The following NFIA variants were observed in gnomAD, a reference collection of about 807,000 sequenced individuals.
NFIA encodes nuclear factor I A, also known as nuclear factor 1 A-type.
Under a neutral mutation model 62.8 loss-of-function variants are expected in NFIA, and 8 were observed. That is an observed-to-expected ratio of 0.13 (90% CI 0.07 to 0.23). NFIA has a LOEUF of 0.23. Among genes scored for constraint, NFIA ranks in the 10% least tolerant of loss-of-function variants. NFIA has a pLI of 1.00. For synonymous variants in NFIA, 235 were observed against 238.1 expected (o/e 0.99, Z 0.12); for missense variants, 410 against 642.1 (o/e 0.64, Z 3.91).
At chr1:61,384,969 C>G (rs1339114367) in intron 7 of NFIA, among the ~76,000 whole-genome samples, 2 of 152,082 alleles carry the variant, frequency 1.3e-5, no homozygotes, top group African/African-American at 4.8e-5. Flanking sequence ...CAGTGGCTCA[C>G]GCCTGTAATC....
chr1:61,219,883 G>A (rs333137), intron 2 of NFIA, among the ~76,000 whole-genome samples: 24,584 of 151,776 alleles, frequency 0.16, 2,060 homozygotes, highest in African/African-American at 0.2. Flanking sequence ...GAATCACTTG[G>A]ACCCGGGAGG....
chr1:61,279,858 C>T (rs1307289281), intron 3 of NFIA, among the ~76,000 whole-genome samples: 1 of 152,080 alleles, frequency 6.6e-6, no homozygotes. Flanking sequence ...ATTTTTTGGC[C>T]AAAGGCAGAG....
intron 7 of NFIA, among the ~76,000 whole-genome samples, chr1:61,402,627 C>A (rs916858871): frequency 6.6e-6 from 1 of 152,170 alleles, no homozygotes; most frequent in Non-Finnish European, 1.5e-5. Flanking sequence ...ATGTTTGAGA[C>A]ATCCTCAATT....
chr1:61,393,244 C>CCTCTCTCTCTCTCTCT (rs766730638), intron 7 of NFIA, among the ~76,000 whole-genome samples: 11 of 29,098 alleles, frequency 3.8e-4, no homozygotes, highest in Non-Finnish European at 5.6e-4. Flanking sequence ...TCGCCCTCTC[C>CCTCTCTCTCTCTCTCT]CTCTCTCTCT....
At chr1:61,313,472 C>CA (rs768519070) in intron 3 of NFIA, among the ~76,000 whole-genome samples, 1 of 152,130 alleles carries the variant, frequency 6.6e-6, no homozygotes, top group Non-Finnish European at 1.5e-5. Context: ...TGCAAGAACT[C>CA]ACTATCCTGA....
At chr1:61,112,190 G>A (rs147887549) in intron 2 of NFIA, among the ~76,000 whole-genome samples, 1 of 150,110 alleles carries the variant, frequency 6.7e-6, no homozygotes, top group African/African-American at 2.4e-5. Context: ...TTAGTATGTT[G>A]AGCTGTGTCC....
At chr1:61,302,209 G>C (rs1659530788) in intron 3 of NFIA, among the ~76,000 whole-genome samples, 1 of 152,064 alleles carries the variant, frequency 6.6e-6, no homozygotes, top group Non-Finnish European at 1.5e-5. Context: ...CTCCGGATGG[G>C]TACTCTACAA....
chr1:61,095,868 T>G (rs1019710296), intron 2 of NFIA, among the ~76,000 whole-genome samples: 1 of 152,164 alleles, frequency 6.6e-6, no homozygotes, highest in Admixed American at 6.5e-5. Flanking sequence ...ATTTTTACTA[T>G]GCAGATTTTT....
At chr1:61,362,695 G>A (rs74086920) in intron 6 of NFIA, among the ~76,000 whole-genome samples, 1,572 of 152,298 alleles carry the variant, frequency 0.01, 31 homozygotes, top group African/African-American at 0.036. Flanking sequence ...GGAGATTAAA[G>A]ATGATGTTAG....
At chr1:61,161,988 A>G (rs1294820045) in intron 2 of NFIA, among the ~76,000 whole-genome samples, 1 of 152,208 alleles carries the variant, frequency 6.6e-6, no homozygotes, top group Non-Finnish European at 1.5e-5. Context: ...GTAAATTTAT[A>G]AAGTCATAGA....
At chr1:61,219,102 GGCAC>G (rs968938800) in intron 2 of NFIA, among the ~76,000 whole-genome samples, 6 of 151,752 alleles carry the variant, frequency 4.0e-5, no homozygotes, top group African/African-American at 7.3e-5. Context: ...TGTAGTGGCG[GGCAC>G]CTATAATCCC....
At chr1:61,357,318 A>C (rs1263995754) in intron 5 of NFIA, among the ~76,000 whole-genome samples, 1 of 152,204 alleles carries the variant, frequency 6.6e-6, no homozygotes, top group East Asian at 1.9e-4. Flanking sequence ...TAGGTCCTGG[A>C]ATGCTCCTGA....
At chr1:61,447,870 G>A (rs940730282) in intron 10 of NFIA, among the ~76,000 whole-genome samples, 1 of 152,176 alleles carries the variant, frequency 6.6e-6, no homozygotes. Context: ...GGGCAGGTAC[G>A]CTGGTGGTGC....
chr1:61,229,527 A>G (rs1008694360), intron 2 of NFIA, among the ~76,000 whole-genome samples: 6 of 152,136 alleles, frequency 3.9e-5, no homozygotes, highest in African/African-American at 1.4e-4. Context: ...CAAAAATGGA[A>G]TGTGAAACTA....
At chr1:61,354,161 G>A (rs540619804) in intron 5 of NFIA, among the ~76,000 whole-genome samples, 2 of 152,240 alleles carry the variant, frequency 1.3e-5, no homozygotes, top group Non-Finnish European at 2.9e-5. Context: ...CATTATGAAT[G>A]TCATTTAAAA....
At chr1:61,339,241 C>T (rs933133392) in intron 4 of NFIA, among the ~76,000 whole-genome samples, 5 of 152,190 alleles carry the variant, frequency 3.3e-5, no homozygotes, top group Non-Finnish European at 7.3e-5. Context: ...CATTTTATAT[C>T]TGTAGAAGTC....
intron 2 of NFIA, among the ~76,000 whole-genome samples, chr1:61,246,120 G>T (rs1655631178): frequency 6.6e-6 from 1 of 152,144 alleles, no homozygotes. Flanking sequence ...ATATGGAAGT[G>T]AACTATTTTA....
At chr1:61,221,202 G>A (rs1160539709) in intron 2 of NFIA, among the ~76,000 whole-genome samples, 1 of 151,758 alleles carries the variant, frequency 6.6e-6, no homozygotes. Context: ...TTTGAAGAGT[G>A]TATGTATAAA....
At chr1:61,095,209 A>G (rs764655053) in intron 2 of NFIA, among the ~76,000 whole-genome samples, 7 of 152,236 alleles carry the variant, frequency 4.6e-5, no homozygotes, top group Non-Finnish European at 1.0e-4. Context: ...GGAGTAGAGA[A>G]AAGGAGATGG....
Sources: gnomAD v4.1 joint callset for allele counts (sites outside exome capture counted in the v4.1 genomes callset) on GRCh38, gnomAD v4.1.1 for gene constraint, MANE v1.5 for transcripts, NCBI Gene and HGNC (gene_info 2026-07-23, HGNC 2026-07-21) for gene names.